SFI1: variants seen among roughly 807,000 people sequenced by gnomAD.
SFI1 encodes the protein SFI1 centrin binding protein, also known as protein SFI1 homolog.
In SFI1, 195 loss-of-function variants were observed where a neutral mutation model predicts 207.5. The observed-to-expected ratio is 0.94, with a 90% CI of 0.84 to 1.06. The LOEUF (loss-of-function observed/expected upper bound fraction) is 1.06, where lower values mean the gene tolerates loss of function less well. Among genes scored for constraint, SFI1 ranks in the 50% least tolerant of loss-of-function variants. The pLI is 0.00. For missense variants in SFI1, 1,634 were observed against 1,588.0 expected (o/e 1.03, Z -0.49); for synonymous variants, 630 against 598.9 (o/e 1.05, Z -0.76).
intron 29 of SFI1, 115 bp downstream of exon 29, chr22:31,615,394 A>C: frequency 1.0e-6 from 1 of 989,690 alleles, no homozygotes; most frequent in East Asian, 2.8e-5. Flanking sequence ...CAGGGAGGCC[A>C]CTCATCCATT....
intron 12 of SFI1, among the ~76,000 whole-genome samples, chr22:31,582,227 T>TATATGTA: frequency 2.1e-5 from 1 of 48,454 alleles, no homozygotes; most frequent in Non-Finnish European, 4.1e-5. Context: ...TATATATATA[T>TATATGTA]ATATATATAT....
chr22:31,545,877 C>CTTTTTTTTT (rs770151262), intron 4 of SFI1, among the ~76,000 whole-genome samples: 2 of 99,498 alleles, frequency 2.0e-5, no homozygotes, highest in Non-Finnish European at 3.9e-5. Context: ...CCGTGTCCAG[C>CTTTTTTTTT]TTTTTTTTTT....
chr22:31,613,756 G>A lies in SFI1; in HGVS notation c.2897G>A (p.Gly966Glu), dbSNP rs1214937291. 2.5e-6 allele frequency: 4 copies of A among 1,613,030 alleles called. No individual in the cohort carries two copies. In the South Asian group the frequency reaches 4.4e-5, roughly 18 times the overall value. ...CCCCTTCTCAACCGCATTGCTGCTG[G>A]GGCTGGGGATGGCACCCTTGAGACC... The part of the protein sequence containing the change: ...EGPLLNRIAA[G>E]AGDGTLETKR... Residue 966 changes from glycine (G) to glutamate (E), a missense_variant, in exon 27 of 33, where the codon GGG (glycine) becomes GAG (glutamate). Transcript: ENST00000400288.
intron 7 of SFI1, chr22:31,559,845 G>A (rs942385211): frequency 2.3e-5 from 16 of 688,006 alleles, no homozygotes; most frequent in Non-Finnish European, 3.5e-5. Context: ...GCCCATAGAG[G>A]ACCGCACCAC....
chr22:31,579,099 A>G (rs1398065289), intron 11 of SFI1, among the ~76,000 whole-genome samples: 1 of 152,108 alleles, frequency 6.6e-6, no homozygotes. Flanking sequence ...AGCTGGGACT[A>G]TAGGCATGTG....
chr22:31,615,117 C>A lies in SFI1; in HGVS notation c.3138C>A (p.Phe1046Leu). ...QPAAPSLTRP[F>L]LAEAPTALVP... The stretch of plus-strand genomic sequence containing the variant: ...CAGCCCCCTCCCTGACGCGGCCCTT[C>A]CTGGCAGAGGCCCCGACAGCACTGG... The change falls in exon 29 of 33, where the codon TTC (phenylalanine) becomes TTA (leucine). Residue 1046 changes from phenylalanine (F) to leucine (L), a missense_variant. By Grantham distance (22) the Phe-to-Leu change is conservative. Coordinates refer to ENST00000400288, the MANE Select transcript of SFI1 (RefSeq NM_001007467.3). The A allele has an allele frequency of 6.2e-7, 1 of 1,608,194 alleles. No individual in the cohort carries two copies. Among genetic ancestry groups the A allele is most frequent in the Non-Finnish European group, 8.5e-7 (1 of 1,177,584 alleles).
rs1275408629 is a variant in SFI1, at chr22:31,613,757, G to A, written c.2898G>A (p.Gly966=). Residue 966 remains glycine (G), a synonymous_variant, in exon 27 of 33, where the codon GGG becomes GGA. Transcript: ENST00000400288. ...EGPLLNRIAA[G]AGDGTLETKR... ...CCCTTCTCAACCGCATTGCTGCTGGGGCTGGGGATGGCACCCTTGAGACCA... is the reference window on the plus strand; with the variant it reads ...CCCTTCTCAACCGCATTGCTGCTGGAGCTGGGGATGGCACCCTTGAGACCA... 6.2e-7 allele frequency: 1 copy of A among 1,613,030 alleles called. No homozygotes were observed. The highest frequency in any genetic ancestry group is 1.1e-5 in the South Asian group (1 of 90,964).
At chr22:31,521,565 G>A (rs2057258536) in intron 2 of SFI1, 3 of 152,264 alleles carry the variant, frequency 2.0e-5, no homozygotes. Context: ...GGCCTTTCCA[G>A]TGTCCTGCTC....
rs561381338 is a variant in SFI1 at position 31,546,288 on chromosome 22, G to A, written c.339-573G>A. 2.0e-5 allele frequency among the ~76,000 whole-genome samples: 3 copies of A among 151,374 alleles called. No individual in the cohort carries two copies. In the South Asian group the frequency reaches 6.3e-4, roughly 32 times the overall value. On this transcript the variant is annotated intron_variant, in intron 4 of 32. Transcript: ENST00000400288. ...GAAAGTGTTGGTATTACAGGCATGA[G>A]CCACCATGCCTGGCCTCTATTTTTA...
chr22:31,586,822 G>T (rs1003536773), intron 14 of SFI1, among the ~76,000 whole-genome samples: 1 of 152,116 alleles, frequency 6.6e-6, no homozygotes, highest in Admixed American at 6.5e-5. Flanking sequence ...CAGGGTCAGC[G>T]TTTTCATCTC....
At chr22:31,587,406 G>A (rs756327404) in intron 14 of SFI1, 5 of 259,142 alleles carry the variant, frequency 1.9e-5, no homozygotes, top group African/African-American at 6.5e-5. Flanking sequence ...AGGCTCAAGC[G>A]ATTCTCCTGC....
chr22:31,529,033 A>AT lies in SFI1; in HGVS notation c.266+171dup. On this transcript the variant is annotated intron_variant, in intron 3 of 32. Coordinates refer to ENST00000400288, the MANE Select transcript of SFI1 (RefSeq NM_001007467.3). Reference sequence around the variant, plus strand: ...AAAGGATATTCAGGAACCTGCAGACATAAAATCTGTCATTGAGTGTTTTCA... The same window carrying AT: ...AAAGGATATTCAGGAACCTGCAGACATTAAAATCTGTCATTGAGTGTTTTCA... 3 of 576,356 alleles carry AT rather than the reference A, an allele frequency of 5.2e-6. No homozygotes were observed. The East Asian group carries it at 8.4e-5, about 16-fold the overall frequency. 35.7% of individuals were successfully genotyped at this position (576,356 alleles called of 1,614,324 possible). A position where few individuals can be genotyped will look rare whatever the true frequency, so the allele number is the denominator to read the frequency against.
chr22:31,565,413 C>T (rs377347367), intron 8 of SFI1, among the ~76,000 whole-genome samples: 11 of 150,726 alleles, frequency 7.3e-5, no homozygotes, highest in African/African-American at 2.7e-4. Flanking sequence ...CTTAAAAAGG[C>T]GGGAGGGGTC....
intron 2 of SFI1, among the ~76,000 whole-genome samples, chr22:31,511,527 G>C (rs2055548540): frequency 6.9e-6 from 1 of 145,656 alleles, no homozygotes; most frequent in African/African-American, 2.5e-5. Flanking sequence ...GGAGTGCATG[G>C]CGCGATCTCC....
rs2061853714 is a variant in SFI1 at position 31,562,798 on chromosome 22, TA to T, written c.765+1408del. 2.0e-5 allele frequency among the ~76,000 whole-genome samples: 3 copies of T among 150,884 alleles called. No homozygotes were observed. In the South Asian group the frequency reaches 6.3e-4, roughly 32 times the overall value. ...GCAGGTGCCCGCCACCACGCCCGGCTAATTTTTTGTATCTTTAGTAGAGACG... is the reference window on the plus strand; with the variant it reads ...GCAGGTGCCCGCCACCACGCCCGGCTATTTTTTGTATCTTTAGTAGAGACG... On this transcript the variant is annotated intron_variant, in intron 8 of 32. Coordinates refer to ENST00000400288, the MANE Select transcript of SFI1 (RefSeq NM_001007467.3).
At chr22:31,572,410 C>A (rs2063045140) in intron 8 of SFI1, among the ~76,000 whole-genome samples, 1 of 152,144 alleles carries the variant, frequency 6.6e-6, no homozygotes, top group African/African-American at 2.4e-5. Context: ...TTACAGTAGG[C>A]TTCCTCTGAC....
intron 24 of SFI1, chr22:31,612,393 AAAAAAATATAT>A (rs1247178386): frequency 4.3e-5 from 5 of 116,190 alleles, no homozygotes; most frequent in African/African-American, 1.7e-4. Flanking sequence ...AAAAAAAAAA[AAAAAAATATAT>A]ATATATATAT....
chr22:31,580,446 C>G (rs927511821), intron 12 of SFI1, 82 bp downstream of exon 12: 1 of 1,186,114 alleles, frequency 8.4e-7, no homozygotes, highest in Admixed American at 2.4e-5. Context: ...CCAAATTAAG[C>G]AGAACTCTTT....
intron 8 of SFI1, among the ~76,000 whole-genome samples, chr22:31,571,569 G>C (rs58825043): frequency 0.06 from 9,142 of 151,704 alleles, 273 homozygotes; most frequent in African/African-American, 0.069. Context: ...CCTGCCTTGG[G>C]CTCCCAAAGT....
Sources: allele counts gnomAD v4.1 joint callset (sites outside exome capture counted in the v4.1 genomes callset), GRCh38; gene constraint gnomAD v4.1.1; transcripts MANE v1.5; gene names NCBI Gene and HGNC (gene_info 2026-07-23, HGNC 2026-07-21).